ACTR3: variants seen among roughly 807,000 people sequenced by gnomAD.
ACTR3 encodes actin-related protein 3.
In ACTR3, 12 loss-of-function variants were observed where a neutral mutation model predicts 56.8. That is an observed-to-expected ratio of 0.21 (90% CI 0.14 to 0.34). The LOEUF (loss-of-function observed/expected upper bound fraction) is 0.34, where lower values mean the gene tolerates loss of function less well. Among genes scored for constraint, ACTR3 ranks in the 10% least tolerant of loss-of-function variants. The pLI is 1.00. For missense variants in ACTR3, 282 were observed against 512.5 expected, an observed-to-expected ratio of 0.55 and a Z score of 4.34; for synonymous variants, 162 against 167.4, an observed-to-expected ratio of 0.97 and a Z score of 0.25.
At chr2:113,947,128 CTCATT>C (rs1680036655) in intron 8 of ACTR3, among the ~76,000 whole-genome samples, 1 of 152,136 alleles carries the variant, frequency 6.6e-6, no homozygotes, top group South Asian at 2.1e-4. Flanking sequence ...TGTGTCAGAC[CTCATT>C]TCATTTAAGG....
intron 1 of ACTR3, among the ~76,000 whole-genome samples, chr2:113,907,331 G>A (rs765013683): frequency 2.6e-5 from 4 of 152,070 alleles, no homozygotes; most frequent in Non-Finnish European, 1.5e-5. Context: ...AGTGCAGTGG[G>A]GCAGTCATAG....
rs190614831 is a variant in ACTR3 at position 113,931,765 on chromosome 2, T to G, written c.432+369T>G. On this transcript the variant is annotated intron_variant, in intron 5 of 11. Coordinates refer to ENST00000263238, the MANE Select transcript of ACTR3 (RefSeq NM_005721.5). ...TTATAAATCTTTTTGTCCTTTATTG[T>G]AGTCTTTTTTGATTGACTTATCTTT... 2.2e-3 allele frequency among the ~76,000 whole-genome samples: 336 copies of G among 152,306 alleles called. 1 individual carries two copies. Among genetic ancestry groups the G allele is most frequent in the African/African-American group, 7.2e-3 (299 of 41,590 alleles).
intron 3 of ACTR3, among the ~76,000 whole-genome samples, chr2:113,921,736 C>T (rs1168160099): frequency 1.3e-5 from 2 of 152,130 alleles, no homozygotes; most frequent in East Asian, 1.9e-4. Context: ...ATTTTGAACA[C>T]ATTGTGTTTG....
At position 113,958,232 on chromosome 2, in the gene ACTR3, T is replaced by C. The variant is rs183046427; in HGVS notation, c.*777T>C. 1 of 152,610 alleles carries C rather than the reference T, an allele frequency of 6.6e-6. No homozygotes were observed. Among genetic ancestry groups the C allele is most frequent in the Non-Finnish European group, 1.5e-5 (1 of 67,996 alleles). 9.5% of individuals were successfully genotyped at this position (152,610 alleles called of 1,614,324 possible). A position where few individuals can be genotyped will look rare whatever the true frequency, so the allele number is the denominator to read the frequency against. ...TTGGCATATTTAAAGCCTAACATTCTAATAAAGGCACAAATTTCTTTTTAA... is the reference window on the plus strand; with the variant it reads ...TTGGCATATTTAAAGCCTAACATTCCAATAAAGGCACAAATTTCTTTTTAA... On this transcript the variant is annotated 3_prime_UTR_variant, in exon 12 of 12. Transcript: ENST00000263238.
intron 2 of ACTR3, among the ~76,000 whole-genome samples, chr2:113,913,556 C>A (rs1679347407): frequency 6.6e-6 from 1 of 152,116 alleles, no homozygotes; most frequent in South Asian, 2.1e-4. Flanking sequence ...GTCCATTCCC[C>A]ATCATATACC....
chr2:113,915,933 A>T (rs1281221169), intron 2 of ACTR3, among the ~76,000 whole-genome samples: 1 of 152,184 alleles, frequency 6.6e-6, no homozygotes, highest in Non-Finnish European at 1.5e-5. Context: ...ATGAGTATTG[A>T]TATTTGATCT....
chr2:113,955,776 T>G, intron 11 of ACTR3, 70 bp downstream of exon 11: 1 of 1,277,478 alleles, frequency 7.8e-7, no homozygotes, highest in Non-Finnish European at 1.1e-6. Context: ...AGGTGGACTT[T>G]CGCTCTTGTC....
chr2:113,913,917 C>T (rs1355858189), intron 2 of ACTR3, among the ~76,000 whole-genome samples: 1 of 152,278 alleles, frequency 6.6e-6, no homozygotes, highest in South Asian at 2.1e-4. Flanking sequence ...GCAAACAGTT[C>T]ACGTTTTTTG....
chr2:113,906,505 G>A (rs911778089), intron 1 of ACTR3, among the ~76,000 whole-genome samples: 1 of 151,638 alleles, frequency 6.6e-6, no homozygotes, highest in Non-Finnish European at 1.5e-5. Flanking sequence ...TTTGTTACTT[G>A]TGCTTTTGGT....
intron 1 of ACTR3, among the ~76,000 whole-genome samples, chr2:113,907,681 G>A (rs1052610058): frequency 2.6e-5 from 4 of 152,144 alleles, no homozygotes; most frequent in African/African-American, 4.8e-5. Context: ...AAGGTTAAAA[G>A]TGGGTTGTTG....
chr2:113,942,599 T>TA (rs1163883729), intron 8 of ACTR3, among the ~76,000 whole-genome samples: 1 of 152,074 alleles, frequency 6.6e-6, no homozygotes, highest in African/African-American at 2.4e-5. Flanking sequence ...ATGTGTGGCT[T>TA]ATGGGGGGGT....
rs1024703832 is a variant in ACTR3 at position 113,959,873 on chromosome 2, G to A, written c.*2418G>A. The A allele has an allele frequency of 1.3e-5, 2 of 151,950 alleles. No individual in the cohort carries two copies. The highest frequency in any genetic ancestry group is 2.9e-5 in the Non-Finnish European group (2 of 67,908). The allele number at this position is 151,950 out of a possible 1,614,324, so 9.4% of individuals were successfully genotyped here. A position where few individuals can be genotyped will look rare whatever the true frequency, so the allele number is the denominator to read the frequency against. ...CTGATAATTGATGATATAGCTCCTC[G>A]AACTTTGTTTTTTGTTAAAACTTGG... On this transcript the variant is annotated 3_prime_UTR_variant, in exon 12 of 12. Transcript: ENST00000263238.
chr2:113,913,075 C>A, intron 1 of ACTR3, 97 bp from the exon 2 acceptor site: 2 of 761,210 alleles, frequency 2.6e-6, no homozygotes, highest in Non-Finnish European at 4.2e-6. Context: ...TATTTACCTA[C>A]GATGGAATCT....
At chr2:113,956,050 T>TTTA (rs1430381895) in intron 11 of ACTR3, among the ~76,000 whole-genome samples, 4 of 151,986 alleles carry the variant, frequency 2.6e-5, no homozygotes, top group East Asian at 3.9e-4. Context: ...GCTCCTGGCC[T>TTTA]TTATTATTAT....
At chr2:113,912,895 TAGA>T (rs72104197) in intron 1 of ACTR3, among the ~76,000 whole-genome samples, 26,557 of 152,088 alleles carry the variant, frequency 0.17, 4,130 homozygotes, top group African/African-American at 0.4. Flanking sequence ...CTTTTGCTGT[TAGA>T]AGCAAGATTG....
At position 113,899,008 on chromosome 2, in the gene ACTR3, A is replaced by G. The variant is rs142917043; in HGVS notation, c.44+8685A>G. Among the ~76,000 whole-genome samples the G allele has an allele frequency of 1.4e-4, 22 of 152,304 alleles. No individual in the cohort carries two copies. In the East Asian group the frequency reaches 4.2e-3, roughly 29 times the overall value. On this transcript the variant is annotated intron_variant, in intron 1 of 11. Coordinates refer to ENST00000263238, the MANE Select transcript of ACTR3 (RefSeq NM_005721.5). ...ATCCAAGGAGAGTGGTCAAATTATT[A>G]GTCCAGTTTTTAAGAGTGTCCATTT...
At chr2:113,930,203 T>C (rs1679694745) in intron 4 of ACTR3, among the ~76,000 whole-genome samples, 1 of 152,178 alleles carries the variant, frequency 6.6e-6, no homozygotes, top group Non-Finnish European at 1.5e-5. Flanking sequence ...TTTAGTTTAC[T>C]TAATTTTGTA....
At chr2:113,956,077 G>T (rs1264399883) in intron 11 of ACTR3, among the ~76,000 whole-genome samples, 1 of 151,780 alleles carries the variant, frequency 6.6e-6, no homozygotes, top group Non-Finnish European at 1.5e-5. Context: ...TTTTTATTGA[G>T]ATGAGGTCTT....
At chr2:113,898,570 G>A (rs188969364) in intron 1 of ACTR3, among the ~76,000 whole-genome samples, 1 of 152,274 alleles carries the variant, frequency 6.6e-6, no homozygotes, top group Admixed American at 6.5e-5. Flanking sequence ...GTGTTTCGTT[G>A]TAATGCAGAG....
Sources: allele counts gnomAD v4.1 joint callset (sites outside exome capture counted in the v4.1 genomes callset), GRCh38; gene constraint gnomAD v4.1.1; transcripts MANE v1.5; gene names NCBI Gene and HGNC (gene_info 2026-07-23, HGNC 2026-07-21).